The following TRIM63 variants were observed in gnomAD, a reference collection of about 807,000 sequenced individuals.
TRIM63 encodes tripartite motif containing 63, also known as E3 ubiquitin-protein ligase TRIM63.
A neutral mutation model predicts 46.0 loss-of-function variants in TRIM63; 48 were observed. The ratio of observed to expected loss-of-function variants is 1.04; its 90% CI spans 0.83 to 1.33. The LOEUF is 1.33. Ranked by LOEUF, TRIM63 falls within the 40% of genes most tolerant of loss-of-function variation. TRIM63 has a pLI of 0.00. For synonymous variants in TRIM63, 175 were observed against 162.8 expected (o/e 1.08, Z -0.57); for missense variants, 455 against 441.2 (o/e 1.03, Z -0.28).
At chr1:26,060,924 G>A (rs114109989) in intron 3 of TRIM63, among the ~76,000 whole-genome samples, 5,070 of 152,230 alleles carry the variant, frequency 0.033, 275 homozygotes, top group African/African-American at 0.11. Flanking sequence ...TGGCTGGGGC[G>A]TCTGACCGCT....
At chr1:26,056,520 C>T (rs1360922281) in intron 7 of TRIM63, among the ~76,000 whole-genome samples, 2 of 152,170 alleles carry the variant, frequency 1.3e-5, no homozygotes, top group African/African-American at 4.8e-5. Flanking sequence ...CACTTCTAAC[C>T]TGACTTTTTA....
chr1:26,052,450 C>T (rs377334491), intron 8 of TRIM63, among the ~76,000 whole-genome samples: 3 of 152,190 alleles, frequency 2.0e-5, no homozygotes, highest in Middle Eastern at 3.4e-3. Flanking sequence ...AAGGGCATGT[C>T]CCATTTTTCT....
Position 26,060,656 on chromosome 1 carries a change from G to T in TRIM63, c.502-295C>A, listed in dbSNP as rs184713933. 4.2e-3 allele frequency among the ~76,000 whole-genome samples: 647 copies of T among 152,340 alleles called. 10 individuals carry two copies. The highest frequency in any genetic ancestry group is 0.015 in the African/African-American group (613 of 41,576). On this transcript the variant is annotated intron_variant, in intron 3 of 8. Transcript: ENST00000374272. ...TTCTAAGAAAGAAGGGACAAAAAAA[G>T]AAATAGAGTTGGAGACGTCTAGAAG...
intron 3 of TRIM63, 51 bp from the exon 4 acceptor site, chr1:26,060,412 G>A (rs988578740): frequency 2.1e-6 from 3 of 1,445,688 alleles, no homozygotes; most frequent in Admixed American, 1.7e-5. Flanking sequence ...TAGCCTCAGG[G>A]CCTACCCACT....
rs142710853 is a variant in TRIM63, at chr1:26,066,379, C to G, written c.221G>C (p.Arg74Pro). ...CACCTCGTGGCGGCAGGTGGGGCAG[C>G]GGAAACGGCCTCCAGACATGGACAC... ...SSVSMSGGRF[R>P]CPTCRHEVIM... The change falls in exon 2 of 9, where the codon CGC becomes CCC. Residue 74 changes from arginine to proline, a missense_variant. By Grantham distance (103) the Arg-to-Pro change is moderately radical (BLOSUM62 -2). Coordinates refer to ENST00000374272, the MANE Select transcript of TRIM63 (RefSeq NM_032588.4). 1 of 1,612,802 alleles carries G rather than the reference C, an allele frequency of 6.2e-7. No homozygotes were observed. The highest frequency in any genetic ancestry group is 8.5e-7 in the Non-Finnish European group (1 of 1,179,346).
At chr1:26,052,928 T>A (rs993305765) in intron 8 of TRIM63, among the ~76,000 whole-genome samples, 1 of 152,208 alleles carries the variant, frequency 6.6e-6, no homozygotes, top group Non-Finnish European at 1.5e-5. Context: ...AACCTAATTT[T>A]AAAAATGTTA....
chr1:26,065,649 C>G (rs184413276), intron 2 of TRIM63, among the ~76,000 whole-genome samples: 1 of 152,344 alleles, frequency 6.6e-6, no homozygotes, highest in East Asian at 1.9e-4. Flanking sequence ...ACCTCCACCA[C>G]TCACACATTC....
chr1:26,054,911 T>C (rs1394271791), intron 7 of TRIM63, among the ~76,000 whole-genome samples: 1 of 147,632 alleles, frequency 6.8e-6, no homozygotes, highest in Non-Finnish European at 1.5e-5. Flanking sequence ...AACGTTGCAG[T>C]GAGCTGAGAT....
intron 8 of TRIM63, 49 bp downstream of exon 8, chr1:26,053,844 T>G (rs750955347): frequency 7.1e-7 from 1 of 1,399,650 alleles, no homozygotes; most frequent in South Asian, 1.2e-5. Flanking sequence ...CTCAGATTGT[T>G]GTGGAATGAA....
chr1:26,065,888 A>T (rs1186916479), intron 2 of TRIM63, among the ~76,000 whole-genome samples: 3 of 152,210 alleles, frequency 2.0e-5, no homozygotes, highest in Non-Finnish European at 4.4e-5. Context: ...GCTGTTCCTC[A>T]TGGCACACGG....
At chr1:26,058,648 C>T (rs372547669) in intron 4 of TRIM63, 25 bp from the exon 5 acceptor site, 11 of 1,604,258 alleles carry the variant, frequency 6.9e-6, no homozygotes, top group African/African-American at 1.3e-5. Context: ...CTTGTGGTCA[C>T]GTTCTGTAGG....
In TRIM63 at chr1:26,060,421, C is replaced by A. The variant is rs563941712; in HGVS notation, c.502-60G>T. 4 of 1,351,756 alleles carry A rather than the reference C, an allele frequency of 3.0e-6. 1 individual carries two copies. In the Admixed American group the frequency reaches 6.8e-5, roughly 23 times the overall value. The allele number at this position is 1,351,756 out of a possible 1,614,324, so 83.7% of individuals were successfully genotyped here. A position where few individuals can be genotyped will look rare whatever the true frequency, so the allele number is the denominator to read the frequency against. Reference sequence around the variant, plus strand: ...CACAAATAGCCTCAGGGCCTACCCACTGGGGCATGGCAGCAACATGGCTTC... The same window carrying A: ...CACAAATAGCCTCAGGGCCTACCCAATGGGGCATGGCAGCAACATGGCTTC... On this transcript the variant is annotated intron_variant, in intron 3 of 8. Coordinates refer to ENST00000374272, the MANE Select transcript of TRIM63 (RefSeq NM_032588.4).
intron 4 of TRIM63, among the ~76,000 whole-genome samples, chr1:26,059,965 A>G (rs1417209853): frequency 1.3e-5 from 2 of 152,120 alleles, no homozygotes; most frequent in Non-Finnish European, 2.9e-5. Flanking sequence ...TCTGAAAACA[A>G]TTTGTGCTGA....
chr1:26,067,198 G>A, intron 1 of TRIM63, 138 bp downstream of exon 1: 1 of 1,095,996 alleles, frequency 9.1e-7, no homozygotes, highest in Non-Finnish European at 1.3e-6. Flanking sequence ...TCTCAGCCCT[G>A]TCCAGAGGCC....
intron 2 of TRIM63, among the ~76,000 whole-genome samples, chr1:26,063,915 A>T (rs1475675319): frequency 6.6e-6 from 1 of 152,206 alleles, no homozygotes; most frequent in Non-Finnish European, 1.5e-5. Flanking sequence ...AATTGATTTT[A>T]TTATTCCTTA....
rs369317462 is a variant in TRIM63, at chr1:26,058,631, C to A, written c.598-8G>T. On this transcript the variant is annotated splice_region_variant and splice_polypyrimidine_tract_variant and intron_variant, in intron 4 of 8. Coordinates refer to ENST00000374272, the MANE Select transcript of TRIM63 (RefSeq NM_032588.4). ...TACCTGGTGACTGTTCTCCTGAGGACGGAAGTCTTGTGGTCACGTTCTGTA... is the reference window on the plus strand; with the variant it reads ...TACCTGGTGACTGTTCTCCTGAGGAAGGAAGTCTTGTGGTCACGTTCTGTA... 2 of 1,613,416 alleles carry A rather than the reference C, an allele frequency of 1.2e-6. No homozygotes were observed. Among genetic ancestry groups the A allele is most frequent in the African/African-American group, 1.3e-5 (1 of 75,022 alleles).
chr1:26,056,145 T>C (rs2050568819), intron 7 of TRIM63, among the ~76,000 whole-genome samples: 1 of 152,230 alleles, frequency 6.6e-6, no homozygotes, highest in Non-Finnish European at 1.5e-5. Context: ...ATGTGGGATC[T>C]GCCCTCTCTT....
chr1:26,065,109 C>T (rs867465092), intron 2 of TRIM63, among the ~76,000 whole-genome samples: 11 of 151,944 alleles, frequency 7.2e-5, no homozygotes, highest in East Asian at 3.9e-4. Flanking sequence ...CTACAACCTC[C>T]GCCTCCCTTG....
intron 2 of TRIM63, among the ~76,000 whole-genome samples, chr1:26,063,640 G>A (rs148486781): frequency 3.3e-5 from 5 of 152,240 alleles, no homozygotes; most frequent in Non-Finnish European, 2.9e-5. Context: ...CTTTGGCATC[G>A]GGGTTCATAT....
Sources: allele counts gnomAD v4.1 joint callset (sites outside exome capture counted in the v4.1 genomes callset), GRCh38; gene constraint gnomAD v4.1.1; transcripts MANE v1.5; gene names NCBI Gene and HGNC (gene_info 2026-07-23, HGNC 2026-07-21).